Variants in IGFBP7 observed in about 807,000 individuals in gnomAD.
IGFBP7 encodes the protein insulin like growth factor binding protein 7.
IGFBP7 carries 31 observed loss-of-function variants against 29.4 expected under a neutral mutation model. The observed-to-expected ratio is 1.05, with a 90% CI of 0.79 to 1.42. The LOEUF (loss-of-function observed/expected upper bound fraction) is 1.42. Among genes scored for constraint, IGFBP7 ranks in the 40% most tolerant of loss-of-function variants. The probability of loss-of-function intolerance (pLI) is 0.00; values close to 1 mark genes in which losing one functional copy is unlikely to be tolerated. For synonymous variants in IGFBP7, 172 were observed against 174.9 expected, an observed-to-expected ratio of 0.98 and a Z score of 0.13; for missense variants, 393 against 395.5, an observed-to-expected ratio of 0.99 and a Z score of 0.05.
At chr4:57,081,139 T>C in intron 1 of IGFBP7, among the ~76,000 whole-genome samples, 2 of 152,222 alleles carry the variant, frequency 1.3e-5, no homozygotes, top group East Asian at 3.8e-4. Flanking sequence ...CCTTGAGTGA[T>C]ACTTTCTGGA....
At position 57,110,109 on chromosome 4, in the gene IGFBP7, G is replaced by T. The variant is rs375031580; in HGVS notation, c.243C>A (p.Cys81Ter). Residue 81 changes from cysteine to a stop codon, truncating the protein, a stop_gained, in exon 1 of 5, where the codon TGC becomes TGA. Transcript: ENST00000295666. LOFTEE classifies it high-confidence loss of function. ...TCTTCACGCACTCCATGCCCGGCGC[G>T]CAGTACCCCCTGCCGGCGCCGCCAC... ...CGGGGAGRGY[C>*]APGMECVKSR... The T allele has an allele frequency of 1.3e-6, 2 of 1,523,886 alleles. No homozygotes were observed. Among genetic ancestry groups the T allele is most frequent in the Non-Finnish European group, 1.8e-6 (2 of 1,142,742 alleles). 94.4% of individuals were successfully genotyped at this position (1,523,886 alleles called of 1,614,324 possible). A position where few individuals can be genotyped will look rare whatever the true frequency, so the allele number is the denominator to read the frequency against.
chr4:57,103,660 C>CTTTTTTTTTTTTTTTTTTTTTTTTT (rs59173874), intron 1 of IGFBP7, among the ~76,000 whole-genome samples: 11 of 86,500 alleles, frequency 1.3e-4, no homozygotes, highest in Admixed American at 1.9e-4. Flanking sequence ...TTTTTCTTTT[C>CTTTTTTTTTTTTTTTTTTTTTTTTT]TTTTTTTTTT....
At chr4:57,087,274 T>C (rs1725520601) in intron 1 of IGFBP7, among the ~76,000 whole-genome samples, 1 of 152,202 alleles carries the variant, frequency 6.6e-6, no homozygotes, top group Non-Finnish European at 1.5e-5. Context: ...AAGTGATTGA[T>C]GGATAACATA....
intron 1 of IGFBP7, among the ~76,000 whole-genome samples, chr4:57,045,939 TGGTCTTGAACCCCTGACCTCA>T (rs1456744743): frequency 2.0e-5 from 3 of 152,164 alleles, no homozygotes; most frequent in African/African-American, 7.2e-5. Flanking sequence ...TTGGCCAGGC[TGGTCTTGAACCCCTGACCTCA>T]GGTGATCTGC....
intron 1 of IGFBP7, among the ~76,000 whole-genome samples, chr4:57,102,825 G>A (rs916615926): frequency 6.6e-6 from 1 of 152,178 alleles, no homozygotes; most frequent in Non-Finnish European, 1.5e-5. Flanking sequence ...CTCAAGAAGG[G>A]CAGCTGAGGC....
chr4:57,078,028 G>A (rs1360563705), intron 1 of IGFBP7, among the ~76,000 whole-genome samples: 1 of 152,148 alleles, frequency 6.6e-6, no homozygotes, highest in Non-Finnish European at 1.5e-5. Context: ...AGCTGGACCG[G>A]ATGACTTTCA....
chr4:57,083,080 C>T (rs1725409945), intron 1 of IGFBP7, among the ~76,000 whole-genome samples: 1 of 152,196 alleles, frequency 6.6e-6, no homozygotes, highest in Non-Finnish European at 1.5e-5. Flanking sequence ...GTTCCAAATT[C>T]TTCTATATAC....
chr4:57,051,912 C>T (rs1031995274), intron 1 of IGFBP7, among the ~76,000 whole-genome samples: 1 of 152,160 alleles, frequency 6.6e-6, no homozygotes, highest in Admixed American at 6.5e-5. Context: ...AGGTGAAAGA[C>T]AGGGACCTGC....
At chr4:57,034,674 G>A (rs1361757080) in intron 2 of IGFBP7, among the ~76,000 whole-genome samples, 3 of 151,972 alleles carry the variant, frequency 2.0e-5, no homozygotes, top group Admixed American at 1.3e-4. Context: ...CTGTTGTGTC[G>A]GCTTCAAACC....
intron 1 of IGFBP7, among the ~76,000 whole-genome samples, chr4:57,109,491 C>G (rs541043667): frequency 1.3e-5 from 2 of 152,252 alleles, no homozygotes; most frequent in East Asian, 3.9e-4. Context: ...ACTCCTTTCC[C>G]CCATCTCTTG....
In IGFBP7 at chr4:57,100,176, C is replaced by A. The variant is rs936851985; in HGVS notation, c.475+9701G>T. Reference sequence around the variant, plus strand: ...GCCTTGATGACTGTGCTAGAGCGACCCTCTCACTTTAGCCTCCTGAGTAGC... The same window carrying A: ...GCCTTGATGACTGTGCTAGAGCGACACTCTCACTTTAGCCTCCTGAGTAGC... On this transcript the variant is annotated intron_variant, in intron 1 of 4. Transcript: ENST00000295666. Among the ~76,000 whole-genome samples, 3 of 150,506 alleles carry A rather than the reference C, an allele frequency of 2.0e-5. No individual in the cohort carries two copies. The Admixed American group carries it at 2.0e-4, about 10-fold the overall frequency.
intron 1 of IGFBP7, among the ~76,000 whole-genome samples, chr4:57,052,459 A>C (rs1454719714): frequency 1.3e-5 from 2 of 152,208 alleles, no homozygotes; most frequent in East Asian, 3.9e-4. Flanking sequence ...CAAGGCAAGC[A>C]CTGTCTAGCT....
intron 1 of IGFBP7, among the ~76,000 whole-genome samples, chr4:57,080,013 A>G (rs1273037566): frequency 1.3e-5 from 2 of 152,196 alleles, no homozygotes; most frequent in Non-Finnish European, 2.9e-5. Flanking sequence ...TGGGAAGCAG[A>G]GCCAGGATTC....
chr4:57,054,750 AAC>A (rs1176462638), intron 1 of IGFBP7, among the ~76,000 whole-genome samples: 5 of 152,010 alleles, frequency 3.3e-5, no homozygotes, highest in Admixed American at 2.0e-4. Context: ...GGACTTGCTA[AAC>A]CTCCTCCTGA....
intron 1 of IGFBP7, among the ~76,000 whole-genome samples, chr4:57,062,442 G>T (rs370282343): frequency 6.6e-6 from 1 of 152,136 alleles, no homozygotes; most frequent in Non-Finnish European, 1.5e-5. Flanking sequence ...ATTTGCACCC[G>T]GTCTGAAATG....
In IGFBP7 at chr4:57,086,195, C is replaced by T. The variant is rs143460297; in HGVS notation, c.475+23682G>A. On this transcript the variant is annotated intron_variant, in intron 1 of 4. Coordinates refer to ENST00000295666, the MANE Select transcript of IGFBP7 (RefSeq NM_001553.3). Reference sequence around the variant, plus strand: ...TGCCCTTTATAAAACCATCAGATCTCGTGAGACTTACTCACTGTCATGAGA... The same window carrying T: ...TGCCCTTTATAAAACCATCAGATCTTGTGAGACTTACTCACTGTCATGAGA... Among the ~76,000 whole-genome samples, 6 of 152,254 alleles carry T rather than the reference C, an allele frequency of 3.9e-5. No homozygotes were observed. In the East Asian group the frequency reaches 9.7e-4, roughly 25 times the overall value.
At position 57,110,106 on chromosome 4, in the gene IGFBP7, C is replaced by A. The variant is rs11555288; in HGVS notation, c.246G>T (p.Ala82=). 2.0e-5 allele frequency: 30 copies of A among 1,528,380 alleles called. No homozygotes were observed. The South Asian group carries it at 2.2e-4, about 11-fold the overall frequency. The allele number at this position is 1,528,380 out of a possible 1,614,324, so 94.7% of individuals were successfully genotyped here. A position where few individuals can be genotyped will look rare whatever the true frequency, so the allele number is the denominator to read the frequency against. ...GGGGAGRGYC[A]PGMECVKSRK... is the part of the protein sequence containing the mutation. Reference sequence around the variant, plus strand: ...GGCTCTTCACGCACTCCATGCCCGGCGCGCAGTACCCCCTGCCGGCGCCGC... The same window carrying A: ...GGCTCTTCACGCACTCCATGCCCGGAGCGCAGTACCCCCTGCCGGCGCCGC... Residue 82 remains alanine (A), a synonymous_variant, in exon 1 of 5, where the codon GCG becomes GCT. Transcript: ENST00000295666.
At chr4:57,050,405 C>T (rs1380995367) in intron 1 of IGFBP7, among the ~76,000 whole-genome samples, 2 of 151,928 alleles carry the variant, frequency 1.3e-5, no homozygotes, top group Non-Finnish European at 2.9e-5. Flanking sequence ...TCACCATGCC[C>T]GGCTGATTTT....
In IGFBP7 at chr4:57,076,128, G is replaced by A. The variant is rs11573067; in HGVS notation, c.475+33749C>T. ...GGGGAGGCCCACTTCTTGGCTTGTA[G>A]ATGGCTGCCTTCTTGCTGTAGCCTC... On this transcript the variant is annotated intron_variant, in intron 1 of 4. Coordinates refer to ENST00000295666, the MANE Select transcript of IGFBP7 (RefSeq NM_001553.3). 1.7e-3 allele frequency among the ~76,000 whole-genome samples: 253 copies of A among 152,320 alleles called. 9 individuals are homozygous for A. The East Asian group carries it at 0.029, about 18-fold the overall frequency.
Sources: allele counts gnomAD v4.1 joint callset (sites outside exome capture counted in the v4.1 genomes callset), GRCh38; gene constraint gnomAD v4.1.1; transcripts MANE v1.5; gene names NCBI Gene and HGNC (gene_info 2026-07-23, HGNC 2026-07-21).